Variants in ESR2 observed in about 807,000 individuals in gnomAD.
ESR2 encodes estrogen receptor beta.
Under a neutral mutation model 49.6 loss-of-function variants are expected in ESR2, and 36 were observed. That is an observed-to-expected ratio of 0.73 (90% CI 0.56 to 0.96). The LOEUF (loss-of-function observed/expected upper bound fraction) is 0.96. Among genes scored for constraint, ESR2 ranks in the 40% least tolerant of loss-of-function variants. The pLI, the probability that ESR2 is intolerant of heterozygous loss-of-function variation, is 0.00. For synonymous variants in ESR2, 320 were observed against 266.1 expected (o/e 1.20, Z -1.97); for missense variants, 714 against 693.0 (o/e 1.03, Z -0.34).
intron 5 of ESR2, among the ~76,000 whole-genome samples, chr14:64,257,696 C>T (rs1435019795): frequency 7.0e-6 from 1 of 142,776 alleles, no homozygotes; most frequent in Non-Finnish European, 1.5e-5. Context: ...GGCTGCCAGT[C>T]AGAAGACCTG....
chr14:64,295,958 C>T (rs566299995), upstream of ESR2, among the ~76,000 whole-genome samples: 2 of 148,912 alleles, frequency 1.3e-5, no homozygotes, highest in East Asian at 2.0e-4. Context: ...GCAGGAGAAT[C>T]GCTTGAACAT....
At chr14:64,309,607 C>CAAA (rs545143689) in intron 1 of ESR2, among the ~76,000 whole-genome samples, 3 of 125,904 alleles carry the variant, frequency 2.4e-5, no homozygotes, top group African/African-American at 3.5e-5. Flanking sequence ...AACTCCATCT[C>CAAA]AAAAAAAAAA....
At chr14:64,227,319 G>A (rs2098722293), downstream of ESR2, 1 of 600,248 alleles carries the variant, frequency 1.7e-6, no homozygotes, top group African/African-American at 1.9e-5. Context: ...GAGACCATCT[G>A]AAGAGAATCC....
intron 7 of ESR2, among the ~76,000 whole-genome samples, chr14:64,241,225 T>C (rs559030877): frequency 1.2e-4 from 18 of 152,074 alleles, no homozygotes; most frequent in Non-Finnish European, 1.2e-4. Context: ...AAGTATATTT[T>C]TGACTAGCAA....
At chr14:64,250,577 T>G (rs1340844923) in intron 6 of ESR2, among the ~76,000 whole-genome samples, 1 of 152,186 alleles carries the variant, frequency 6.6e-6, no homozygotes, top group Non-Finnish European at 1.5e-5. Context: ...TTAGATGATT[T>G]TGTCACAAAA....
rs767100418 is a variant in ESR2, at chr14:64,260,548, G to T, written c.853C>A (p.Pro285Thr). The change falls in exon 5 of 9, where the codon CCC becomes ACC. Residue 285 changes from proline to threonine, a missense_variant. Coordinates refer to ENST00000341099, the MANE Select transcript of ESR2 (RefSeq NM_001437.3). Reference protein sequence around the residue: ...AEPPHVLISRPSAPFTEASMM... With the variant: ...AEPPHVLISRTSAPFTEASMM... ...GAGGCCTCGGTGAAGGGCGCACTGGGGCGGCTGATCAGCACATGGGGCGGC... is the reference window on the plus strand; with the variant it reads ...GAGGCCTCGGTGAAGGGCGCACTGGTGCGGCTGATCAGCACATGGGGCGGC... The T allele has an allele frequency of 5.7e-6, 9 of 1,580,112 alleles. No individual in the cohort carries two copies. The highest frequency in any genetic ancestry group is 7.7e-6 in the Non-Finnish European group (9 of 1,162,274).
At chr14:64,279,167 T>C (rs1423006983) in intron 3 of ESR2, among the ~76,000 whole-genome samples, 1 of 152,206 alleles carries the variant, frequency 6.6e-6, no homozygotes, top group Non-Finnish European at 1.5e-5. Flanking sequence ...CTTTCAGGTG[T>C]CCTGCCTTTT....
At chr14:64,252,204 T>C (rs1407634373) in intron 6 of ESR2, among the ~76,000 whole-genome samples, 1 of 151,848 alleles carries the variant, frequency 6.6e-6, no homozygotes, top group Admixed American at 6.6e-5. Context: ...TCCCAGTTCC[T>C]CAGGGGGCTG....
intron 5 of ESR2, among the ~76,000 whole-genome samples, chr14:64,258,117 G>T (rs2076140948): frequency 6.6e-6 from 1 of 152,130 alleles, no homozygotes; most frequent in Admixed American, 6.6e-5. Flanking sequence ...GCTGAAGTGG[G>T]ATGATCGCCT....
intron 1 of ESR2, among the ~76,000 whole-genome samples, chr14:64,324,760 G>A (rs531652187): frequency 3.9e-4 from 60 of 152,194 alleles, no homozygotes; most frequent in African/African-American, 1.1e-3. Flanking sequence ...GTGACATTGT[G>A]GGGACAATAA....
chr14:64,245,053 A>T (rs531841365), intron 7 of ESR2, among the ~76,000 whole-genome samples: 16 of 152,072 alleles, frequency 1.1e-4, no homozygotes, highest in South Asian at 2.1e-4. Flanking sequence ...ATTTTTTTTT[A>T]AATTTAAATA....
chr14:64,227,615 C>G, downstream of ESR2: 1 of 1,614,060 alleles, frequency 6.2e-7, no homozygotes, highest in East Asian at 2.2e-5. Context: ...CTTTTCTGCC[C>G]TTAAGTAGAG....
At chr14:64,272,836 G>C (rs2076477936) in intron 3 of ESR2, among the ~76,000 whole-genome samples, 1 of 152,076 alleles carries the variant, frequency 6.6e-6, no homozygotes. Context: ...GCTCAGAATA[G>C]CTTTGGTTAT....
chr14:64,240,777 A>T, intron 7 of ESR2, among the ~76,000 whole-genome samples: 1 of 152,180 alleles, frequency 6.6e-6, no homozygotes, highest in East Asian at 1.9e-4. Context: ...TCATTACTGT[A>T]TTATAAAATA....
At chr14:64,256,039 C>T (rs953686806) in intron 6 of ESR2, among the ~76,000 whole-genome samples, 1 of 152,206 alleles carries the variant, frequency 6.6e-6, no homozygotes, top group Non-Finnish European at 1.5e-5. Flanking sequence ...AAAGTGGTAA[C>T]AGGATTATAA....
chr14:64,242,736 T>C (rs1472585364), intron 7 of ESR2, among the ~76,000 whole-genome samples: 1 of 152,200 alleles, frequency 6.6e-6, no homozygotes, highest in Non-Finnish European at 1.5e-5. Flanking sequence ...CAGAATGAAT[T>C]GGAAAACATT....
intron 3 of ESR2, among the ~76,000 whole-genome samples, chr14:64,278,779 T>C (rs923968206): frequency 1.3e-5 from 2 of 152,136 alleles, no homozygotes; most frequent in Non-Finnish European, 2.9e-5. Context: ...GTGCACAACT[T>C]GAAGTTTATA....
At position 64,231,258 on chromosome 14, in the gene ESR2, A is replaced by G. The variant is rs944901037; in HGVS notation, c.*1879T>C. The G allele has an allele frequency of 6.6e-6, 1 of 152,194 alleles. No individual in the cohort carries two copies. The highest frequency in any genetic ancestry group is 2.4e-5 in the African/African-American group (1 of 41,448). 9.4% of individuals were successfully genotyped at this position (152,194 alleles called of 1,614,324 possible). On this transcript the variant is annotated 3_prime_UTR_variant, in exon 9 of 9. Coordinates refer to ENST00000341099, the MANE Select transcript of ESR2 (RefSeq NM_001437.3). ...ACATTTAATAGAATTTCACTGGCAG[A>G]TAATGAGTTGCTGAAGGCTGCCTTC... is the stretch of plus-strand genomic sequence containing the variant.
Position 64,245,143 on chromosome 14 carries a change from A to G in ESR2, c.1225+4403T>C, listed in dbSNP as rs10459452. Among the ~76,000 whole-genome samples, 797 of 152,322 alleles carry G rather than the reference A, an allele frequency of 5.2e-3. 18 individuals are homozygous for G. In the East Asian group the frequency reaches 0.079, roughly 15 times the overall value. The stretch of plus-strand genomic sequence containing the variant: ...ATAGAAAAGACTCACTTAACCTAGC[A>G]GTGAAAATTGTCCCATTTTCGCCAT... On this transcript the variant is annotated intron_variant, in intron 7 of 8. Transcript: ENST00000341099.
Sources: gnomAD v4.1 joint callset for allele counts (sites outside exome capture counted in the v4.1 genomes callset) on GRCh38, gnomAD v4.1.1 for gene constraint, MANE v1.5 for transcripts, NCBI Gene and HGNC (gene_info 2026-07-23, HGNC 2026-07-21) for gene names.